CCDC7: variants seen among roughly 807,000 people sequenced by gnomAD.
CCDC7 encodes coiled-coil domain-containing protein 7.
Under a neutral mutation model 196.9 loss-of-function variants are expected in CCDC7, and 183 were observed. The ratio of observed to expected loss-of-function variants is 0.93; its 90% CI spans 0.82 to 1.05. The LOEUF (loss-of-function observed/expected upper bound fraction) is 1.05. CCDC7 is among the 50% of genes least tolerant of loss of function. CCDC7 has a pLI of 0.00. For missense variants in CCDC7, 1,540 were observed against 1,482.2 expected (o/e 1.04, Z -0.64); for synonymous variants, 525 against 484.6 (o/e 1.08, Z -1.10).
intron 30 of CCDC7, among the ~76,000 whole-genome samples, chr10:32,811,586 GT>G (rs1192894850): frequency 2.6e-5 from 4 of 151,914 alleles, no homozygotes; most frequent in Non-Finnish European, 5.9e-5. Context: ...CTAGAGAGAG[GT>G]CTAGAAATGT....
At position 32,828,439 on chromosome 10, in the gene CCDC7, G is replaced by GAGAAGA. The variant is rs71030014; in HGVS notation, c.3268+3857_3268+3862dup. ...AGGAGAAGAAGAAGAAGGAAGGAAGGAGAAGAAGAAGAAGAAGAAGAAGAA... is the reference window on the plus strand; with the variant it reads ...AGGAGAAGAAGAAGAAGGAAGGAAGGAGAAGAAGAAGAAGAAGAAGAAGAAGAAGAA... On this transcript the variant is annotated intron_variant, in intron 32 of 41. Coordinates refer to ENST00000639629, the Ensembl canonical transcript of CCDC7. Among the ~76,000 whole-genome samples the GAGAAGA allele has an allele frequency of 4.3e-3, 246 of 56,814 alleles. 15 individuals are homozygous for GAGAAGA. The highest frequency in any genetic ancestry group is 0.01 in the African/African-American group (234 of 22,698). The allele number at this position is 56,814 out of a possible 152,430, so 37.3% of individuals were successfully genotyped here.
chr10:32,759,731 A>C (rs914084007), intron 28 of CCDC7, among the ~76,000 whole-genome samples: 22 of 152,358 alleles, frequency 1.4e-4, no homozygotes, highest in African/African-American at 5.0e-4. Context: ...AACAAAAGGC[A>C]AAATTGACAA....
chr10:32,492,901 AT>A lies in CCDC7; in HGVS notation c.872+910del, dbSNP rs1283498092. ...ATGATACAAAATGTAGTTTGTGAAT[AT>A]TTTTTCACCTGTAAACTCATTTAAT... On this transcript the variant is annotated intron_variant, in intron 9 of 41. Coordinates refer to ENST00000639629, the Ensembl canonical transcript of CCDC7. Among the ~76,000 whole-genome samples, 4 of 152,204 alleles carry A rather than the reference AT, an allele frequency of 2.6e-5. No homozygotes were observed. The East Asian group carries it at 7.7e-4, about 29-fold the overall frequency.
At chr10:32,829,821 AAGGC>A (rs1251388581) in intron 32 of CCDC7, among the ~76,000 whole-genome samples, 1 of 151,806 alleles carries the variant, frequency 6.6e-6, no homozygotes, top group African/African-American at 2.4e-5. Context: ...GTAGACTGGA[AAGGC>A]AGACCCACCC....
chr10:32,639,591 C>G (rs1476629305), intron 20 of CCDC7, among the ~76,000 whole-genome samples: 1 of 149,872 alleles, frequency 6.7e-6, no homozygotes, highest in Non-Finnish European at 1.5e-5. Context: ...TTTGATTGCA[C>G]TGTGGTCTGA....
At chr10:32,781,408 A>G (rs1434668413) in intron 29 of CCDC7, among the ~76,000 whole-genome samples, 1 of 152,206 alleles carries the variant, frequency 6.6e-6, no homozygotes, top group African/African-American at 2.4e-5. Flanking sequence ...CCTCAACAAA[A>G]TATTAGTAAA....
intron 18 of CCDC7, among the ~76,000 whole-genome samples, chr10:32,612,880 G>GT (rs200935904): frequency 0.13 from 19,434 of 144,584 alleles, 1,451 homozygotes; most frequent in East Asian, 0.34. Context: ...AATTTTCTTT[G>GT]TTTTTTTTTT....
chr10:32,637,683 T>G (rs1038363786), intron 20 of CCDC7, among the ~76,000 whole-genome samples: 20 of 152,354 alleles, frequency 1.3e-4, no homozygotes, highest in Admixed American at 9.8e-4. Flanking sequence ...AGCTTTGTTC[T>G]TTTGGCTTAG....
chr10:32,795,717 A>C (rs1220913197), intron 29 of CCDC7, among the ~76,000 whole-genome samples: 1 of 152,112 alleles, frequency 6.6e-6, no homozygotes, highest in African/African-American at 2.4e-5. Context: ...ATTTGCTTAG[A>C]GATTCTTTGC....
At chr10:32,828,485 G>GGAAGAGGAAGAGGAAGAAGAA (rs2091618916) in intron 32 of CCDC7, among the ~76,000 whole-genome samples, 3 of 49,750 alleles carry the variant, frequency 6.0e-5, no homozygotes, top group Non-Finnish European at 1.3e-4. Flanking sequence ...AAGAGGAAGA[G>GGAAGAGGAAGAGGAAGAAGAA]GAAGAAGAAG....
At chr10:32,621,426 G>C (rs1324862763) in intron 18 of CCDC7, among the ~76,000 whole-genome samples, 2 of 152,076 alleles carry the variant, frequency 1.3e-5, no homozygotes, top group East Asian at 3.9e-4. Context: ...TATTAGTCAG[G>C]CTTTCCCCCA....
In CCDC7 at chr10:32,736,539, G is replaced by A. The variant is rs545121866; in HGVS notation, c.2905+7082G>A. 1.2e-4 allele frequency among the ~76,000 whole-genome samples: 17 copies of A among 140,970 alleles called. No individual in the cohort carries two copies. The East Asian group carries it at 1.4e-3, about 11-fold the overall frequency. 92.5% of individuals were successfully genotyped at this position (140,970 alleles called of 152,430 possible). On this transcript the variant is annotated intron_variant, in intron 28 of 41. Coordinates refer to ENST00000639629, the Ensembl canonical transcript of CCDC7. ...ATATCTCCCAATGCTATCCCTCCCC[G>A]CTCCCCCCACCCCACAACAGTCCCC...
chr10:32,801,398 A>G (rs894611741), intron 29 of CCDC7, among the ~76,000 whole-genome samples: 5 of 152,142 alleles, frequency 3.3e-5, no homozygotes, highest in African/African-American at 4.8e-5. Flanking sequence ...CCAATAAACT[A>G]TTAGAATCTT....
chr10:32,575,373 A>G (rs1219748524), intron 16 of CCDC7, among the ~76,000 whole-genome samples: 1 of 152,216 alleles, frequency 6.6e-6, no homozygotes, highest in East Asian at 1.9e-4. Context: ...AATAGTACGC[A>G]TAAGGTAGAT....
chr10:32,500,340 G>A lies in CCDC7; in HGVS notation c.872+8343G>A, dbSNP rs180828019. 6.1e-3 allele frequency among the ~76,000 whole-genome samples: 909 copies of A among 149,920 alleles called. 9 individuals carry two copies. Among genetic ancestry groups the A allele is most frequent in the African/African-American group, 0.021 (861 of 40,768 alleles). On this transcript the variant is annotated intron_variant, in intron 9 of 41. Transcript: ENST00000639629. ...TCCTCACTTCTCGGACGGGGCGGCCGGTCAGAGACGCTCCTCACCTCCCAG... is the reference window on the plus strand; with the variant it reads ...TCCTCACTTCTCGGACGGGGCGGCCAGTCAGAGACGCTCCTCACCTCCCAG...
chr10:32,818,486 A>G (rs929821125), intron 31 of CCDC7, among the ~76,000 whole-genome samples: 12 of 152,140 alleles, frequency 7.9e-5, no homozygotes, highest in African/African-American at 2.7e-4. Context: ...CACCAAGTGG[A>G]CCTAATAGAC....
At chr10:32,628,721 C>T (rs948526700) in intron 18 of CCDC7, among the ~76,000 whole-genome samples, 3 of 152,002 alleles carry the variant, frequency 2.0e-5, no homozygotes, top group African/African-American at 4.8e-5. Context: ...TCATTTGTCT[C>T]ATTGTATGTT....
At chr10:32,714,172 G>A (rs2081249895) in intron 25 of CCDC7, among the ~76,000 whole-genome samples, 1 of 152,178 alleles carries the variant, frequency 6.6e-6, no homozygotes, top group Admixed American at 6.5e-5. Flanking sequence ...CAGAAGGTGG[G>A]TGGTTTCTGC....
Position 32,590,604 on chromosome 10 carries a change from G to A in CCDC7, c.1801+6300G>A, listed in dbSNP as rs150638119. Among the ~76,000 whole-genome samples the A allele has an allele frequency of 2.5e-3, 383 of 151,922 alleles. 2 individuals are homozygous for A. The highest frequency in any genetic ancestry group is 9.0e-3 in the African/African-American group (371 of 41,452). ...TTATACCTTCAAATGATTTCTTATT[G>A]TTCATGAATGTCCTTTTCTTTCAGA... On this transcript the variant is annotated intron_variant, in intron 18 of 41. Transcript: ENST00000639629.
Sources: allele counts gnomAD v4.1 joint callset (sites outside exome capture counted in the v4.1 genomes callset), GRCh38; gene constraint gnomAD v4.1.1; transcripts MANE v1.5; gene names NCBI Gene and HGNC (gene_info 2026-07-23, HGNC 2026-07-21).